SPEF2: variants seen among roughly 807,000 people sequenced by gnomAD.
SPEF2 encodes sperm flagellar and cilia associated 2, also known as sperm flagella and cilia-associated protein 2.
In SPEF2, 187 loss-of-function variants were observed where a neutral mutation model predicts 224.6. The ratio of observed to expected loss-of-function variants is 0.83; its 90% CI spans 0.74 to 0.94. SPEF2 has a LOEUF of 0.94. Ranked by LOEUF, SPEF2 falls within the 40% of genes least tolerant of loss-of-function variation. SPEF2 has a pLI of 0.00. For synonymous variants in SPEF2, 715 were observed against 707.3 expected (o/e 1.01, Z -0.17); for missense variants, 2,170 against 2,135.6 (o/e 1.02, Z -0.32).
rs181439085 is a variant in SPEF2, at chr5:35,718,203, G to C, written c.2914+5317G>C. The stretch of plus-strand genomic sequence containing the variant: ...TCTTTTGCTGGCATGTCAGGCTTCT[G>C]GGTTCCCTTCCCCTGAGCCCAATCC... On this transcript the variant is annotated intron_variant, in intron 20 of 36. Coordinates refer to ENST00000356031, the MANE Select transcript of SPEF2 (RefSeq NM_024867.4). 5.3e-5 allele frequency among the ~76,000 whole-genome samples: 8 copies of C among 152,294 alleles called. No homozygotes were observed. The East Asian group carries it at 1.4e-3, about 26-fold the overall frequency.
intron 8 of SPEF2, among the ~76,000 whole-genome samples, chr5:35,662,357 T>A (rs1189439589): frequency 6.6e-6 from 1 of 152,180 alleles, no homozygotes; most frequent in Non-Finnish European, 1.5e-5. Flanking sequence ...TTTGTAAAAA[T>A]TTTCTCCCAT....
chr5:35,627,846 G>A (rs954522053), intron 1 of SPEF2, among the ~76,000 whole-genome samples: 9 of 152,276 alleles, frequency 5.9e-5, no homozygotes, highest in African/African-American at 1.9e-4. Flanking sequence ...TCCAGCACAG[G>A]TATCTCTGGC....
At chr5:35,768,321 A>G (rs532173844) in intron 26 of SPEF2, among the ~76,000 whole-genome samples, 3 of 152,268 alleles carry the variant, frequency 2.0e-5, no homozygotes, top group Non-Finnish European at 2.9e-5. Context: ...CTAGAAAAAA[A>G]TGAGTTATTC....
chr5:35,739,800 A>T (rs1747279463), intron 21 of SPEF2, 119 bp from the exon 22 acceptor site: 4 of 1,097,972 alleles, frequency 3.6e-6, no homozygotes, highest in Middle Eastern at 3.1e-4. Context: ...CTCACAGGGA[A>T]TGCTTTATGT....
At chr5:35,768,788 T>C (rs1752418911) in intron 26 of SPEF2, among the ~76,000 whole-genome samples, 1 of 152,172 alleles carries the variant, frequency 6.6e-6, no homozygotes, top group Non-Finnish European at 1.5e-5. Context: ...TTTGAATTTC[T>C]AATGAAACAG....
In SPEF2 at chr5:35,753,727, G is replaced by A; in HGVS notation, c.3434G>A (p.Gly1145Glu). The A allele has an allele frequency of 6.2e-7, 1 of 1,614,098 alleles. No individual in the cohort carries two copies. Among genetic ancestry groups the A allele is most frequent in the Middle Eastern group, 1.6e-4 (1 of 6,062 alleles). Residue 1145 changes from glycine to glutamate, a missense_variant, in exon 24 of 37, where the codon GGA becomes GAA. Gly to Glu is a moderately conservative substitution (Grantham distance 98, BLOSUM62 -2). Coordinates refer to ENST00000356031, the MANE Select transcript of SPEF2 (RefSeq NM_024867.4). ...GAGAGCTGGTTACAGGACACTCTTG[G>A]AATGACAATGAACCATTTCTTTTCC... Reference protein sequence around the residue: ...INESWLQDTLGMTMNHFFSLM... With the variant: ...INESWLQDTLEMTMNHFFSLM...
chr5:35,697,900 A>G, intron 15 of SPEF2, 107 bp downstream of exon 15: 1 of 732,070 alleles, frequency 1.4e-6, no homozygotes, highest in Non-Finnish European at 2.2e-6. Flanking sequence ...CATACATTTC[A>G]CTCATCTGTA....
chr5:35,668,295 C>T (rs1006858842), intron 9 of SPEF2, among the ~76,000 whole-genome samples: 3 of 151,976 alleles, frequency 2.0e-5, no homozygotes, highest in African/African-American at 4.8e-5. Context: ...GTGATACATC[C>T]GTATCATGGA....
At chr5:35,745,198 C>G (rs906450249) in intron 23 of SPEF2, among the ~76,000 whole-genome samples, 2 of 152,188 alleles carry the variant, frequency 1.3e-5, no homozygotes, top group Non-Finnish European at 1.5e-5. Context: ...CAGCCCATTC[C>G]TGCTGGGCAT....
At chr5:35,760,463 A>G (rs1218011847) in intron 25 of SPEF2, among the ~76,000 whole-genome samples, 1 of 152,128 alleles carries the variant, frequency 6.6e-6, no homozygotes, top group Non-Finnish European at 1.5e-5. Flanking sequence ...ATGAAAATGG[A>G]AGGTGTTTTG....
chr5:35,670,484 G>T (rs1751087135), intron 10 of SPEF2: 1 of 1,099,284 alleles, frequency 9.1e-7, no homozygotes, highest in African/African-American at 1.6e-5. Flanking sequence ...TGGGTAGACA[G>T]ATTTCAGAAT....
intron 21 of SPEF2, among the ~76,000 whole-genome samples, chr5:35,728,980 A>AT (rs1745150796): frequency 6.6e-6 from 1 of 152,108 alleles, no homozygotes. Context: ...GTGATGGGGA[A>AT]TGTGGGGCAA....
chr5:35,705,000 C>T (rs1244560588), intron 17 of SPEF2, among the ~76,000 whole-genome samples: 3 of 152,022 alleles, frequency 2.0e-5, no homozygotes, highest in African/African-American at 7.2e-5. Flanking sequence ...AGTTAGTCAT[C>T]GGAGTGTAAA....
intron 2 of SPEF2, among the ~76,000 whole-genome samples, chr5:35,637,251 A>G (rs1466705800): frequency 6.6e-6 from 1 of 152,164 alleles, no homozygotes; most frequent in African/African-American, 2.4e-5. Flanking sequence ...AGTTGTTACA[A>G]GCCTTTAGCT....
chr5:35,630,352 C>T lies in SPEF2; in HGVS notation c.161+1790C>T, dbSNP rs562277459. 9.2e-5 allele frequency among the ~76,000 whole-genome samples: 14 copies of T among 152,272 alleles called. 1 individual carries two copies. Among genetic ancestry groups the T allele is most frequent in the South Asian group, 6.2e-4 (3 of 4,812 alleles). The stretch of plus-strand genomic sequence containing the variant: ...ACCCCACATTTCCCTTCTGCACTGC[C>T]CTAGCAGAGGTTCTCCATGAGGGCT... On this transcript the variant is annotated intron_variant, in intron 2 of 36. Transcript: ENST00000356031.
At chr5:35,627,585 C>T (rs1744446016) in intron 1 of SPEF2, among the ~76,000 whole-genome samples, 1 of 152,008 alleles carries the variant, frequency 6.6e-6, no homozygotes, top group African/African-American at 2.4e-5. Flanking sequence ...AGGCCACAGC[C>T]TAGGCGACAC....
In SPEF2 at chr5:35,765,432, A is replaced by ATAAC. The variant is rs533654546; in HGVS notation, c.3801+1732_3801+1735dup. Among the ~76,000 whole-genome samples the ATAAC allele has an allele frequency of 3.6e-3, 552 of 152,292 alleles. 4 individuals are homozygous for ATAAC. Among genetic ancestry groups the ATAAC allele is most frequent in the Middle Eastern group, 0.01 (3 of 292 alleles). On this transcript the variant is annotated intron_variant, in intron 26 of 36. Coordinates refer to ENST00000356031, the MANE Select transcript of SPEF2 (RefSeq NM_024867.4). Reference sequence around the variant, plus strand: ...TGTCTCCTGGTACCCATGTGCATAGATAACTGTTGGGTATACATCTAGCAA... The same window carrying ATAAC: ...TGTCTCCTGGTACCCATGTGCATAGATAACTAACTGTTGGGTATACATCTAGCAA...
chr5:35,810,314 C>T (rs576758242), intron 36 of SPEF2, among the ~76,000 whole-genome samples: 6 of 152,198 alleles, frequency 3.9e-5, no homozygotes, highest in South Asian at 2.1e-4. Flanking sequence ...TGGGTTCACA[C>T]GATTCTCCTG....
intron 23 of SPEF2, among the ~76,000 whole-genome samples, chr5:35,746,413 C>CA (rs952334672): frequency 6.6e-6 from 1 of 151,828 alleles, no homozygotes; most frequent in Non-Finnish European, 1.5e-5. Flanking sequence ...CAAGGAAATC[C>CA]AAAAAATGAT....
Sources: gnomAD v4.1 joint callset for allele counts (sites outside exome capture counted in the v4.1 genomes callset) on GRCh38, gnomAD v4.1.1 for gene constraint, MANE v1.5 for transcripts, NCBI Gene and HGNC (gene_info 2026-07-23, HGNC 2026-07-21) for gene names.